Variants in STARD8 observed in about 807,000 individuals in gnomAD.
The protein encoded by STARD8 is stAR-related lipid transfer protein 8.
STARD8 carries 25 observed loss-of-function variants against 69.4 expected under a neutral mutation model. The ratio of observed to expected loss-of-function variants is 0.36; its 90% CI spans 0.26 to 0.50. The LOEUF is 0.50. Ranked by LOEUF, STARD8 falls within the 20% of genes least tolerant of loss-of-function variation. The pLI, the probability that STARD8 is intolerant of heterozygous loss-of-function variation, is 0.96. For synonymous variants in STARD8, 389 were observed against 374.6 expected (o/e 1.04, Z -0.45); for missense variants, 921 against 932.5 (o/e 0.99, Z 0.16).
At chrX:68,656,749 A>G (rs754699104) in intron 1 of STARD8, among the ~76,000 whole-genome samples, 12 of 111,134 alleles carry the variant, frequency 1.1e-4, no homozygotes, top group Non-Finnish European at 1.9e-4. Flanking sequence ...TCAGCAAACT[A>G]TCTCAAGGAC....
chrX:68,716,577 T>A, intron 5 of STARD8, 146 bp downstream of exon 5: 2 of 540,733 alleles, frequency 3.7e-6, no homozygotes, highest in Non-Finnish European at 5.8e-6. Context: ...GGGGTAGAGA[T>A]GGAGGAGATC....
chrX:68,668,245 T>C (rs2079702774), intron 2 of STARD8, among the ~76,000 whole-genome samples: 1 of 80,909 alleles, frequency 1.2e-5, no homozygotes, highest in South Asian at 5.8e-4. Context: ...CCTCTTTCTT[T>C]CTTTCTTTCT....
intron 12 of STARD8, 134 bp from the exon 13 acceptor site, chrX:68,723,492 C>T: frequency 1.9e-6 from 1 of 539,163 alleles, no homozygotes; most frequent in South Asian, 3.1e-5. Context: ...TCAGTCTGGC[C>T]AGCGCTAGCA....
intron 2 of STARD8, among the ~76,000 whole-genome samples, chrX:68,690,442 G>C (rs946333151): frequency 2.7e-5 from 3 of 109,965 alleles, no homozygotes; most frequent in Non-Finnish European, 3.8e-5. Context: ...AGGGCGGGGG[G>C]ACTGTTGGGA....
chrX:68,681,444 G>A (rs985558013), intron 2 of STARD8, among the ~76,000 whole-genome samples: 1 of 112,461 alleles, frequency 8.9e-6, no homozygotes, highest in Admixed American at 9.4e-5. Context: ...CTACTGAATG[G>A]CAGAGTCAGG....
At chrX:68,698,643 A>G (rs751841535) in intron 2 of STARD8, among the ~76,000 whole-genome samples, 1 of 111,040 alleles carries the variant, frequency 9.0e-6, no homozygotes, top group Admixed American at 9.5e-5. Flanking sequence ...CCAATTTAGA[A>G]AGCTCCAGAC....
chrX:68,676,913 A>G (rs2079768787), intron 2 of STARD8, among the ~76,000 whole-genome samples: 1 of 110,320 alleles, frequency 9.1e-6, no homozygotes, highest in South Asian at 3.9e-4. Flanking sequence ...TGGGAGGCCA[A>G]GGTGGGAGGA....
At chrX:68,650,907 G>A (rs1481190166) in intron 1 of STARD8, among the ~76,000 whole-genome samples, 1 of 112,734 alleles carries the variant, frequency 8.9e-6, no homozygotes, top group Non-Finnish European at 1.9e-5. Context: ...ACGTTTGCAC[G>A]CATTCACTTA....
chrX:68,666,468 A>G (rs766099776), intron 2 of STARD8, among the ~76,000 whole-genome samples: 1 of 112,282 alleles, frequency 8.9e-6, no homozygotes, highest in Admixed American at 9.4e-5. Flanking sequence ...CATCTTGGGA[A>G]GACGTTGGAA....
At chrX:68,678,914 A>G (rs1397034400) in intron 2 of STARD8, among the ~76,000 whole-genome samples, 1 of 112,470 alleles carries the variant, frequency 8.9e-6, no homozygotes, top group Non-Finnish European at 1.9e-5. Context: ...TTTGCCCCTC[A>G]TTAGTTGTGT....
chrX:68,709,240 C>T (rs2080031395), intron 2 of STARD8, among the ~76,000 whole-genome samples: 1 of 112,312 alleles, frequency 8.9e-6, no homozygotes, highest in Admixed American at 9.4e-5. Context: ...CTCCTTTGCT[C>T]CTTTGTCTTT....
At chrX:68,661,962 C>T (rs1448870225) in intron 1 of STARD8, among the ~76,000 whole-genome samples, 4 of 76,845 alleles carry the variant, frequency 5.2e-5, no homozygotes, top group African/African-American at 3.1e-4. Flanking sequence ...CTCTCTCTCT[C>T]TCTCTCTCTC....
At chrX:68,650,969 C>A (rs1395671328) in intron 1 of STARD8, among the ~76,000 whole-genome samples, 1 of 112,668 alleles carries the variant, frequency 8.9e-6, no homozygotes, top group Non-Finnish European at 1.9e-5. Flanking sequence ...TTCAACCCCA[C>A]ACACATATGC....
chrX:68,722,722 A>C (rs2080162613), intron 12 of STARD8, 76 bp downstream of exon 12: 2 of 1,038,450 alleles, frequency 1.9e-6, no homozygotes, highest in African/African-American at 3.7e-5. Context: ...GAGAACCCAA[A>C]GGAAGGAGCC....
chrX:68,661,337 C>G lies in STARD8; in HGVS notation c.46-4162C>G, dbSNP rs370415421. ...TACTTCTCACCCAGCAACCATCGTT[C>G]TGTTTTTATCCTCCTTTTGGCTCTG... On this transcript the variant is annotated intron_variant, in intron 1 of 14. Transcript: ENST00000374599. 3.7e-4 allele frequency among the ~76,000 whole-genome samples: 42 copies of G among 112,145 alleles called. No homozygotes were observed. The South Asian group carries it at 0.015, about 40-fold the overall frequency.
chrX:68,657,572 G>A (rs1175267154), intron 1 of STARD8, among the ~76,000 whole-genome samples: 1 of 112,208 alleles, frequency 8.9e-6, no homozygotes. Context: ...TGTTCAATGC[G>A]TTAACAGTTT....
chrX:68,693,871 G>A, intron 2 of STARD8: 1 of 730,695 alleles, frequency 1.4e-6, no homozygotes. Context: ...ACAAACGGGG[G>A]CGCCTGGGGC....
At chrX:68,656,231 T>C (rs1014102674) in intron 1 of STARD8, 1 of 112,323 alleles carries the variant, frequency 8.9e-6, no homozygotes, top group Non-Finnish European at 1.9e-5. Flanking sequence ...AGAAGACATT[T>C]ATGCCGCCAA....
At chrX:68,704,189 A>G (rs1370123839) in intron 2 of STARD8, among the ~76,000 whole-genome samples, 2 of 111,949 alleles carry the variant, frequency 1.8e-5, no homozygotes, top group African/African-American at 6.5e-5. Context: ...GATCATGGAA[A>G]TGTGTTAGGG....
Sources: allele counts gnomAD v4.1 joint callset (sites outside exome capture counted in the v4.1 genomes callset), GRCh38; gene constraint gnomAD v4.1.1; transcripts MANE v1.5; gene names NCBI Gene and HGNC (gene_info 2026-07-23, HGNC 2026-07-21).